AHNAK: variants seen among roughly 807,000 people sequenced by gnomAD.
The protein encoded by AHNAK is neuroblast differentiation-associated protein AHNAK.
AHNAK carries 23 observed loss-of-function variants against 37.8 expected under a neutral mutation model. The observed-to-expected ratio is 0.61, with a 90% CI of 0.44 to 0.86. The LOEUF is 0.86. Ranked by LOEUF, AHNAK falls within the 40% of genes least tolerant of loss-of-function variation. AHNAK has a pLI of 0.00. For missense variants in AHNAK, 7,411 were observed against 7,319.4 expected (o/e 1.01, Z -0.46); for synonymous variants, 2,481 against 2,636.3 (o/e 0.94, Z 1.80).
At chr11:62,455,291 A>G (rs1396717914) in intron 5 of AHNAK, among the ~76,000 whole-genome samples, 1 of 152,044 alleles carries the variant, frequency 6.6e-6, no homozygotes, top group Non-Finnish European at 1.5e-5. Flanking sequence ...TGGCTTCAGG[A>G]CACTTAAAGG....
Position 62,526,950 on chromosome 11 carries a change from G to C in AHNAK, c.7467C>G (p.Ile2489Met). Residue 2489 changes from isoleucine (I) to methionine (M), a missense_variant, in exon 5 of 5, where the codon ATC (isoleucine) becomes ATG (methionine). Physicochemically the swap from Ile to Met is conservative, Grantham distance 10 (BLOSUM62 1). Coordinates refer to ENST00000378024, the MANE Select transcript of AHNAK (RefSeq NM_001620.3). ...EGKLEVPDMNIRGPKVDVNAP... is the reference protein window; with the variant it reads ...EGKLEVPDMNMRGPKVDVNAP... ...CATTTACATCAACTTTGGGGCCCCT[G>C]ATGTTCATATCTGGTACTTCAAGTT... 6.2e-7 allele frequency: 1 copy of C among 1,614,198 alleles called. No homozygotes were observed. The highest frequency in any genetic ancestry group is 1.3e-5 in the African/African-American group (1 of 75,052).
chr11:62,519,459 G>A lies in AHNAK; in HGVS notation c.14958C>T (p.Ser4986=), dbSNP rs1389721187. Residue 4986 remains serine (S), a synonymous_variant, in exon 5 of 5, where the codon AGC becomes AGT. Transcript: ENST00000378024. ...AAGGTGACTTGATGTCAGCTTTGGGGCTTTTTGCCCCAAATCCAAACTTGG... is the reference window on the plus strand; with the variant it reads ...AAGGTGACTTGATGTCAGCTTTGGGACTTTTTGCCCCAAATCCAAACTTGG... ...KKPKFGFGAK[S]PKADIKSPSL... The A allele has an allele frequency of 6.2e-7, 1 of 1,612,230 alleles. No homozygotes were observed. Among genetic ancestry groups the A allele is most frequent in the African/African-American group, 1.3e-5 (1 of 74,820 alleles).
chr11:62,498,559 G>A (rs1184302588), intron 4 of AHNAK, among the ~76,000 whole-genome samples: 7 of 147,530 alleles, frequency 4.7e-5, no homozygotes, highest in Non-Finnish European at 1.0e-4. Flanking sequence ...AGAAGTTTGA[G>A]AGCAGCACGT....
intron 5 of AHNAK, among the ~76,000 whole-genome samples, chr11:62,436,072 A>G (rs1938164113): frequency 6.6e-6 from 1 of 152,200 alleles, no homozygotes; most frequent in African/African-American, 2.4e-5. Flanking sequence ...GGCTCACAGT[A>G]TTGACAGCTC....
chr11:62,546,173 GAGCGCGGAAGGAC>G (rs1260491196), intron 1 of AHNAK: 5 of 153,764 alleles, frequency 3.3e-5, no homozygotes, highest in Non-Finnish European at 7.2e-5. Context: ...GAGGTGCAGG[GAGCGCGGAAGGAC>G]AGCCGAGGGG....
intron 5 of AHNAK, among the ~76,000 whole-genome samples, chr11:62,442,728 G>C (rs1041582325): frequency 3.3e-5 from 5 of 151,510 alleles, no homozygotes; most frequent in African/African-American, 1.2e-4. Flanking sequence ...AATTAACCGG[G>C]TGTGGTGGCG....
chr11:62,466,469 ATT>A (rs67385747), intron 5 of AHNAK, among the ~76,000 whole-genome samples: 53,234 of 135,432 alleles, frequency 0.39, 10,864 homozygotes, highest in African/African-American at 0.51. Context: ...TAAAGTTTTG[ATT>A]TTTTTTTTTT....
chr11:62,484,759 G>A (rs1292608412), intron 5 of AHNAK, among the ~76,000 whole-genome samples: 1 of 152,122 alleles, frequency 6.6e-6, no homozygotes, highest in Admixed American at 6.6e-5. Context: ...GGCAATACTT[G>A]ACTTAGGTTT....
chr11:62,527,163 T>C lies in AHNAK; in HGVS notation c.7254A>G (p.Pro2418=), dbSNP rs1480284202. 1.2e-6 allele frequency: 2 copies of C among 1,612,362 alleles called. No individual in the cohort carries two copies. Among genetic ancestry groups the C allele is most frequent in the Admixed American group, 3.3e-5 (2 of 59,746 alleles). The change falls in exon 5 of 5, where the codon CCA becomes CCG. Residue 2418 remains proline (P), a synonymous_variant. Transcript: ENST00000378024. ...TGTCTGGCCCACTGACATCCACATG[T>C]GGCCCTTTAAGGTCCCCTTCCAATT... is the stretch of plus-strand genomic sequence containing the variant. ...VPKLEGDLKG[P]HVDVSGPDID...
In AHNAK at chr11:62,518,997, A is replaced by G. The variant is rs775614458; in HGVS notation, c.15420T>C (p.Ala5140=). The G allele has an allele frequency of 6.2e-7, 1 of 1,614,056 alleles. No individual in the cohort carries two copies. The highest frequency in any genetic ancestry group is 1.7e-5 in the Admixed American group (1 of 60,020). ...HVEGLDIKAK[A]PKVKMPDVDI... is the part of the protein sequence containing the mutation. Reference sequence around the variant, plus strand: ...CCACATCTGGCATCTTGACCTTGGGAGCCTTCGCCTTGATGTCAAGACCTT... The same window carrying G: ...CCACATCTGGCATCTTGACCTTGGGGGCCTTCGCCTTGATGTCAAGACCTT... The change falls in exon 5 of 5, where the codon GCT becomes GCC. Residue 5140 remains alanine, a synonymous_variant. Transcript: ENST00000378024.
In AHNAK at chr11:62,521,624, G is replaced by T; in HGVS notation, c.12793C>A (p.His4265Asn). 1.2e-6 allele frequency: 2 copies of T among 1,607,328 alleles called. No individual in the cohort carries two copies. The highest frequency in any genetic ancestry group is 1.7e-6 in the Non-Finnish European group (2 of 1,177,844). The change falls in exon 5 of 5, where the codon CAT (histidine) becomes AAT (asparagine). Residue 4265 changes from histidine (H) to asparagine (N), a missense_variant. His to Asn is a moderately conservative substitution (Grantham distance 68). Coordinates refer to ENST00000378024, the MANE Select transcript of AHNAK (RefSeq NM_001620.3). Reference sequence around the variant, plus strand: ...CCCTTCACCTTGGGACCTTTCAGATGCAAATCAAAGTCAGGCATGGAGATC... The same window carrying T: ...CCCTTCACCTTGGGACCTTTCAGATTCAAATCAAAGTCAGGCATGGAGATC... Reference protein sequence around the residue: ...PKISMPDFDLHLKGPKVKGDV... With the variant: ...PKISMPDFDLNLKGPKVKGDV...
At chr11:62,480,102 G>A (rs943394544) in intron 5 of AHNAK, among the ~76,000 whole-genome samples, 1 of 152,118 alleles carries the variant, frequency 6.6e-6, no homozygotes, top group African/African-American at 2.4e-5. Flanking sequence ...CACCTGCCAG[G>A]AAGGTCAGGG....
intron 1 of AHNAK, among the ~76,000 whole-genome samples, chr11:62,542,701 C>CT (rs1232539881): frequency 6.6e-6 from 1 of 152,198 alleles, no homozygotes; most frequent in East Asian, 1.9e-4. Context: ...TGAAAGGGGG[C>CT]TGGGGACAGC....
At chr11:62,497,814 T>G (rs947422167) in intron 4 of AHNAK, among the ~76,000 whole-genome samples, 2 of 151,542 alleles carry the variant, frequency 1.3e-5, no homozygotes, top group Middle Eastern at 3.2e-3. Flanking sequence ...TACAAAACAA[T>G]TTTGCCAGGC....
chr11:62,439,079 C>T (rs1429959109), intron 5 of AHNAK, among the ~76,000 whole-genome samples: 1 of 142,306 alleles, frequency 7.0e-6, no homozygotes, highest in East Asian at 2.2e-4. Flanking sequence ...CCATCCCTCT[C>T]AGTTTCCCTA....
chr11:62,450,118 TTTA>T lies in AHNAK; in HGVS notation c.443-16230_443-16228del, dbSNP rs1483988975. Among the ~76,000 whole-genome samples the T allele has an allele frequency of 2.2e-4, 32 of 146,796 alleles. 1 individual carries two copies. Among genetic ancestry groups the T allele is most frequent in the East Asian group, 2.1e-4 (1 of 4,794 alleles). On this transcript the variant is annotated intron_variant, in intron 5 of 5. Transcript: ENST00000257247. Reference sequence around the variant, plus strand: ...TTTCTTTTGTTTTATTTTATTTTATTTTATTATTTTATTTTATTTTATTTATTT... The same window carrying T: ...TTTCTTTTGTTTTATTTTATTTTATTTTATTTTATTTTATTTTATTTATTT...
chr11:62,517,217 C>T lies in AHNAK; in HGVS notation c.17200G>A (p.Ala5734Thr), dbSNP rs1204137229. 6.2e-7 allele frequency: 1 copy of T among 1,614,064 alleles called. No homozygotes were observed. The highest frequency in any genetic ancestry group is 2.2e-5 in the East Asian group (1 of 44,896). ...GKGGVTGSPE[A>T]SISGSKGDLK... ...TCACCTTTGGACCCAGAAATTGATG[C>T]TTCTGGTGAGCCAGTGACACCACCT... is the stretch of plus-strand genomic sequence containing the variant. The change falls in exon 5 of 5, where the codon GCA (alanine) becomes ACA (threonine). Residue 5734 changes from alanine (A) to threonine (T), a missense_variant. By Grantham distance (58) the Ala-to-Thr change is moderately conservative (BLOSUM62 0). Transcript: ENST00000378024.
intron 5 of AHNAK, among the ~76,000 whole-genome samples, chr11:62,471,605 G>C (rs1292927789): frequency 2.0e-5 from 3 of 152,214 alleles, no homozygotes; most frequent in Non-Finnish European, 4.4e-5. Context: ...TGGGTTTTGG[G>C]ACATTTTGGA....
chr11:62,519,640 T>C lies in AHNAK; in HGVS notation c.14777A>G (p.Lys4926Arg). 6.2e-7 allele frequency: 1 copy of C among 1,613,984 alleles called. No homozygotes were observed. The highest frequency in any genetic ancestry group is 8.5e-7 in the Non-Finnish European group (1 of 1,179,978). ...VTAPDVDLHLKAPKIGFSGPK... is the reference protein window; with the variant it reads ...VTAPDVDLHLRAPKIGFSGPK... ...ACCTGAAAATCCAATTTTTGGTGCCTTGAGATGCAAATCAACATCAGGAGC... is the reference window on the plus strand; with the variant it reads ...ACCTGAAAATCCAATTTTTGGTGCCCTGAGATGCAAATCAACATCAGGAGC... The change falls in exon 5 of 5, where the codon AAG (lysine) becomes AGG (arginine). Residue 4926 changes from lysine (K) to arginine (R), a missense_variant. Physicochemically the swap from Lys to Arg is conservative, Grantham distance 26. Transcript: ENST00000378024.
Sources: allele counts gnomAD v4.1 joint callset (sites outside exome capture counted in the v4.1 genomes callset), GRCh38; gene constraint gnomAD v4.1.1; transcripts MANE v1.5; gene names NCBI Gene and HGNC (gene_info 2026-07-23, HGNC 2026-07-21).